EYS: variants seen among roughly 807,000 people sequenced by gnomAD.
EYS encodes protein eyes shut homolog.
Under a neutral mutation model 282.1 loss-of-function variants are expected in EYS, and 250 were observed. The observed-to-expected ratio is 0.89, with a 90% CI of 0.80 to 0.98. EYS has a LOEUF of 0.98. Among genes scored for constraint, EYS ranks in the 50% least tolerant of loss-of-function variants. EYS has a pLI of 0.00. For synonymous variants in EYS, 1,355 were observed against 1,282.9 expected (o/e 1.06, Z -1.20); for missense variants, 4,016 against 3,709.0 (o/e 1.08, Z -2.15).
intron 12 of EYS, among the ~76,000 whole-genome samples, chr6:65,155,227 T>C (rs1764704607): frequency 6.6e-6 from 1 of 151,452 alleles, no homozygotes; most frequent in East Asian, 2.0e-4. Context: ...CTGCACTTTA[T>C]CTAGATTAAG....
At chr6:65,116,797 G>A (rs1775388510) in intron 12 of EYS, among the ~76,000 whole-genome samples, 1 of 152,128 alleles carries the variant, frequency 6.6e-6, no homozygotes, top group South Asian at 2.1e-4. Context: ...TGTGACTTAA[G>A]TTGTTATACA....
At chr6:64,723,895 A>T (rs1046143605) in intron 22 of EYS, among the ~76,000 whole-genome samples, 1 of 152,140 alleles carries the variant, frequency 6.6e-6, no homozygotes, top group Non-Finnish European at 1.5e-5. Context: ...CCTAGTGGTC[A>T]GCAGTCTTGG....
chr6:64,750,420 TA>T (rs5876920), intron 22 of EYS, among the ~76,000 whole-genome samples: 48 of 147,006 alleles, frequency 3.3e-4, no homozygotes, highest in African/African-American at 8.0e-4. Flanking sequence ...AGAGGGAAAG[TA>T]AAAAAAAAAA....
intron 22 of EYS, among the ~76,000 whole-genome samples, chr6:64,802,056 C>CG (rs1288422035): frequency 3.5e-5 from 3 of 86,042 alleles, no homozygotes; most frequent in Admixed American, 1.8e-4. Context: ...TTTTTTGAGA[C>CG]GGAGTCTCAC....
intron 26 of EYS, among the ~76,000 whole-genome samples, chr6:64,552,386 C>A (rs983997778): frequency 6.6e-6 from 1 of 152,102 alleles, no homozygotes; most frequent in Non-Finnish European, 1.5e-5. Flanking sequence ...GTAGAGAATC[C>A]TTTTCCCTTT....
intron 1 of EYS, among the ~76,000 whole-genome samples, chr6:65,690,260 G>A (rs1006739356): frequency 1.3e-5 from 2 of 150,124 alleles, no homozygotes; most frequent in Non-Finnish European, 3.0e-5. Flanking sequence ...ATCCATAGAA[G>A]CAGGACGTGA....
intron 12 of EYS, among the ~76,000 whole-genome samples, chr6:65,283,324 C>T (rs1485829781): frequency 6.6e-6 from 1 of 151,758 alleles, no homozygotes; most frequent in African/African-American, 2.4e-5. Context: ...AAACCAGATA[C>T]ATTGATATTT....
At chr6:63,723,706 A>G (rs993853644) in intron 42 of EYS, among the ~76,000 whole-genome samples, 13 of 151,960 alleles carry the variant, frequency 8.6e-5, no homozygotes, top group Non-Finnish European at 1.5e-4. Context: ...TAAAAGCTGT[A>G]TTAGCTTAAA....
At chr6:64,937,070 C>A (rs576892416) in intron 15 of EYS, among the ~76,000 whole-genome samples, 18 of 151,488 alleles carry the variant, frequency 1.2e-4, no homozygotes, top group African/African-American at 4.3e-4. Context: ...AAGAAATTAT[C>A]CTGAGACAAC....
chr6:64,046,172 T>G (rs1011779956), intron 33 of EYS, among the ~76,000 whole-genome samples: 1 of 148,172 alleles, frequency 6.7e-6, no homozygotes, highest in Non-Finnish European at 1.5e-5. Context: ...ATGTAATATA[T>G]TTTAGAGATT....
At chr6:65,123,673 A>C (rs538023996) in intron 12 of EYS, among the ~76,000 whole-genome samples, 1 of 152,126 alleles carries the variant, frequency 6.6e-6, no homozygotes, top group African/African-American at 2.4e-5. Flanking sequence ...CAAAAGTGAA[A>C]GCAGCTTTGG....
chr6:65,411,152 A>G (rs1011719472), intron 5 of EYS, among the ~76,000 whole-genome samples: 9 of 152,038 alleles, frequency 5.9e-5, no homozygotes, highest in African/African-American at 2.2e-4. Context: ...ATACCATTTG[A>G]TTGTTAGTAC....
Position 64,813,579 on chromosome 6 carries a change from T to C in EYS, c.3244-2A>G. The C allele has an allele frequency of 6.5e-7, 1 of 1,530,874 alleles. No homozygotes were observed. Among genetic ancestry groups the C allele is most frequent in the Non-Finnish European group, 8.8e-7 (1 of 1,134,406 alleles). The allele number at this position is 1,530,874 out of a possible 1,614,324, so 94.8% of individuals were successfully genotyped here. On this transcript the variant is annotated splice_acceptor_variant, in intron 21 of 42. Coordinates refer to ENST00000503581, the MANE Select transcript of EYS (RefSeq NM_001142800.2). LOFTEE classifies it high-confidence loss of function. The stretch of plus-strand genomic sequence containing the variant: ...CATACAAGGGATTGATGTGCAGTCC[T>C]AGATTAAGAAATAGAGAATCAAATT...
intron 29 of EYS, among the ~76,000 whole-genome samples, chr6:64,308,432 G>A (rs1769541298): frequency 6.6e-6 from 1 of 151,966 alleles, no homozygotes; most frequent in Non-Finnish European, 1.5e-5. Flanking sequence ...AGTGAATACA[G>A]CTCAGAATTT....
chr6:64,964,220 A>G (rs1770021890), intron 14 of EYS, among the ~76,000 whole-genome samples: 1 of 152,132 alleles, frequency 6.6e-6, no homozygotes, highest in Admixed American at 6.5e-5. Flanking sequence ...CTCGATATGT[A>G]TTCATGTAAA....
At chr6:64,121,739 A>C (rs748030493) in intron 31 of EYS, among the ~76,000 whole-genome samples, 7 of 152,174 alleles carry the variant, frequency 4.6e-5, no homozygotes, top group African/African-American at 7.2e-5. Flanking sequence ...TCAAGAAATT[A>C]CCCTTCTTAA....
At chr6:64,970,417 G>A (rs570083960) in intron 14 of EYS, among the ~76,000 whole-genome samples, 186 of 152,118 alleles carry the variant, frequency 1.2e-3, no homozygotes, top group African/African-American at 4.3e-3. Flanking sequence ...AGGCTGGTCT[G>A]GAATCCTTGA....
chr6:65,531,976 G>A (rs1767786845), intron 2 of EYS, among the ~76,000 whole-genome samples: 1 of 152,066 alleles, frequency 6.6e-6, no homozygotes, highest in South Asian at 2.1e-4. Flanking sequence ...AAGTTACTGT[G>A]TGATGTGGAT....
At chr6:63,861,429 G>C (rs1266946978) in intron 36 of EYS, among the ~76,000 whole-genome samples, 2 of 152,194 alleles carry the variant, frequency 1.3e-5, no homozygotes, top group Non-Finnish European at 2.9e-5. Context: ...ATCTGTTAGA[G>C]ATAATACCAT....
Sources: allele counts gnomAD v4.1 joint callset (sites outside exome capture counted in the v4.1 genomes callset), GRCh38; gene constraint gnomAD v4.1.1; transcripts MANE v1.5; gene names NCBI Gene and HGNC (gene_info 2026-07-23, HGNC 2026-07-21).